The following NRXN1 variants were observed in gnomAD, a reference collection of about 807,000 sequenced individuals.
The protein encoded by NRXN1 is neurexin 1.
NRXN1 carries 39 observed loss-of-function variants against 150.9 expected under a neutral mutation model. That is an observed-to-expected ratio of 0.26 (90% confidence interval 0.20 to 0.34). The LOEUF (loss-of-function observed/expected upper bound fraction) is 0.34, where lower values mean the gene tolerates loss of function less well. NRXN1 is among the 10% of genes least tolerant of loss of function. The pLI, the probability that NRXN1 is intolerant of heterozygous loss-of-function variation, is 1.00. For synonymous variants in NRXN1, 924 were observed against 757.0 expected (o/e 1.22, Z -3.62); for missense variants, 1,815 against 1,949.9 (o/e 0.93, Z 1.30).
At chr2:50,393,671 T>C (rs1295239902) in intron 17 of NRXN1, among the ~76,000 whole-genome samples, 1 of 152,114 alleles carries the variant, frequency 6.6e-6, no homozygotes, top group Non-Finnish European at 1.5e-5. Context: ...GTTTGTTACA[T>C]CGAAGTGTTC....
chr2:50,796,555 C>T (rs1196406878), intron 5 of NRXN1, among the ~76,000 whole-genome samples: 1 of 152,160 alleles, frequency 6.6e-6, no homozygotes, highest in Non-Finnish European at 1.5e-5. Flanking sequence ...GAAAATTTCA[C>T]ACTTTCTCAG....
intron 21 of NRXN1, among the ~76,000 whole-genome samples, chr2:49,948,438 T>C (rs1458149936): frequency 6.6e-6 from 1 of 152,078 alleles, no homozygotes; most frequent in Non-Finnish European, 1.5e-5. Flanking sequence ...TTTTACTTTT[T>C]AATGTAATTT....
intron 21 of NRXN1, among the ~76,000 whole-genome samples, chr2:49,981,575 G>A (rs1400655907): frequency 6.6e-6 from 1 of 151,948 alleles, no homozygotes; most frequent in African/African-American, 2.4e-5. Context: ...AATGACCCAA[G>A]CAATAATATT....
At chr2:50,738,198 G>A (rs558705111) in intron 5 of NRXN1, among the ~76,000 whole-genome samples, 4 of 152,242 alleles carry the variant, frequency 2.6e-5, no homozygotes, top group African/African-American at 9.6e-5. Flanking sequence ...AGAACCTATT[G>A]TGGGCCAATA....
chr2:50,105,728 T>C (rs1281876329), intron 18 of NRXN1, among the ~76,000 whole-genome samples: 1 of 151,880 alleles, frequency 6.6e-6, no homozygotes, highest in Non-Finnish European at 1.5e-5. Context: ...TAAAAAGAAA[T>C]AGTAATAACT....
chr2:50,376,946 C>T (rs2080548156), intron 17 of NRXN1, among the ~76,000 whole-genome samples: 1 of 136,872 alleles, frequency 7.3e-6, no homozygotes, highest in Non-Finnish European at 1.5e-5. Context: ...TTCTTTCTTT[C>T]TTTTTCTTTT....
intron 2 of NRXN1, among the ~76,000 whole-genome samples, chr2:50,944,536 TAAGAA>T (rs1690010901): frequency 6.6e-6 from 1 of 152,238 alleles, no homozygotes; most frequent in Admixed American, 6.5e-5. Context: ...TCATTTTGTA[TAAGAA>T]AACAGGATAA....
chr2:50,320,124 GC>G (rs139045014), intron 17 of NRXN1, among the ~76,000 whole-genome samples: 17,436 of 151,174 alleles, frequency 0.12, 1,312 homozygotes, highest in East Asian at 0.39. Context: ...TGACTGAGAA[GC>G]AAAAAGTTTC....
intron 17 of NRXN1, among the ~76,000 whole-genome samples, chr2:50,258,169 G>C (rs1418315470): frequency 6.6e-6 from 1 of 151,986 alleles, no homozygotes; most frequent in Non-Finnish European, 1.5e-5. Context: ...AGTGCAGTTT[G>C]CTGCATCAAA....
chr2:50,995,572 T>C (rs1699149735), intron 2 of NRXN1, among the ~76,000 whole-genome samples: 1 of 134,350 alleles, frequency 7.4e-6, no homozygotes, highest in Non-Finnish European at 1.5e-5. Flanking sequence ...GCCACTGTAC[T>C]CCAGCCTGGG....
At chr2:50,574,570 G>T (rs1256263453) in intron 8 of NRXN1, among the ~76,000 whole-genome samples, 2 of 152,112 alleles carry the variant, frequency 1.3e-5, no homozygotes, top group African/African-American at 4.8e-5. Context: ...ACATCACTTT[G>T]CTCCAGCTCT....
Position 50,619,930 on chromosome 2 carries a change from G to T in NRXN1, c.1320+92C>A. ...TTTAAAGTTGTGCCGTTTGACTCTGGAACATCGGGTCTTCAGCAAAGGTGC... is the reference window on the plus strand; with the variant it reads ...TTTAAAGTTGTGCCGTTTGACTCTGTAACATCGGGTCTTCAGCAAAGGTGC... On this transcript the variant is annotated intron_variant, in intron 8 of 22. Coordinates refer to ENST00000401669, the MANE Select transcript of NRXN1 (RefSeq NM_001330078.2). 4 of 1,188,800 alleles carry T rather than the reference G, an allele frequency of 3.4e-6. No individual in the cohort carries two copies. The South Asian group carries it at 8.5e-5, about 25-fold the overall frequency. 73.6% of individuals were successfully genotyped at this position (1,188,800 alleles called of 1,614,324 possible).
At chr2:50,333,019 T>C (rs2076931240) in intron 17 of NRXN1, among the ~76,000 whole-genome samples, 2 of 152,230 alleles carry the variant, frequency 1.3e-5, no homozygotes, top group Admixed American at 1.3e-4. Context: ...TATTTTCCCA[T>C]AAAGAGCCAC....
Position 50,925,869 on chromosome 2 carries a change from A to T in NRXN1, c.790+69T>A. 2.5e-6 allele frequency: 3 copies of T among 1,195,862 alleles called. No homozygotes were observed. The South Asian group carries it at 3.9e-5, about 16-fold the overall frequency. The allele number at this position is 1,195,862 out of a possible 1,614,324, so 74.1% of individuals were successfully genotyped here. A position where few individuals can be genotyped will look rare whatever the true frequency, so the allele number is the denominator to read the frequency against. On this transcript the variant is annotated intron_variant, in intron 3 of 22. Coordinates refer to ENST00000401669, the MANE Select transcript of NRXN1 (RefSeq NM_001330078.2). ...GTTCAACTTACCATCTAACTTCAAG[A>T]TGTACCCTATTAGTACTAAGAAATA...
intron 17 of NRXN1, among the ~76,000 whole-genome samples, chr2:50,275,392 T>C (rs1179503141): frequency 1.3e-5 from 2 of 152,210 alleles, no homozygotes; most frequent in Admixed American, 1.3e-4. Flanking sequence ...CTAACTTGCT[T>C]TATTCAGCAC....
intron 17 of NRXN1, among the ~76,000 whole-genome samples, chr2:50,396,999 A>C (rs965455729): frequency 4.6e-5 from 7 of 152,002 alleles, no homozygotes; most frequent in African/African-American, 1.7e-4. Flanking sequence ...ACTATCCTAG[A>C]TTCTTTTTAA....
At chr2:50,139,104 T>C (rs1706853944) in intron 18 of NRXN1, among the ~76,000 whole-genome samples, 1 of 152,138 alleles carries the variant, frequency 6.6e-6, no homozygotes, top group African/African-American at 2.4e-5. Flanking sequence ...GGTGGGCAGA[T>C]CACCTGAGGT....
chr2:50,251,307 T>C lies in NRXN1; in HGVS notation c.3365-14337A>G, dbSNP rs149460760. 3.2e-3 allele frequency among the ~76,000 whole-genome samples: 494 copies of C among 152,126 alleles called. 4 individuals carry two copies. Among genetic ancestry groups the C allele is most frequent in the African/African-American group, 0.011 (457 of 41,518 alleles). On this transcript the variant is annotated intron_variant, in intron 17 of 22. Transcript: ENST00000401669. ...TTTGGTTTTCTGTTCCTGCATTAGT[T>C]TGCTGAGGATAATGGCTTCCAGCTC...
intron 9 of NRXN1, among the ~76,000 whole-genome samples, chr2:50,545,419 T>G (rs2093472569): frequency 6.6e-6 from 1 of 152,112 alleles, no homozygotes; most frequent in Non-Finnish European, 1.5e-5. Flanking sequence ...GGTCACTAGG[T>G]CCGCGTGTGG....
Sources: allele counts gnomAD v4.1 joint callset (sites outside exome capture counted in the v4.1 genomes callset), GRCh38; gene constraint gnomAD v4.1.1; transcripts MANE v1.5; gene names NCBI Gene and HGNC (gene_info 2026-07-23, HGNC 2026-07-21).